The following BORCS8 variants were observed in gnomAD, a reference collection of about 807,000 sequenced individuals.
BORCS8 encodes the protein BLOC-1 related complex subunit 8.
Under a neutral mutation model 18.7 loss-of-function variants are expected in BORCS8, and 13 were observed. That is an observed-to-expected ratio of 0.70 (90% CI 0.45 to 1.11). The LOEUF is 1.11. Among genes scored for constraint, BORCS8 ranks in the 50% least tolerant of loss-of-function variants. The probability of loss-of-function intolerance (pLI) is 0.00; values close to 1 mark genes in which losing one functional copy is unlikely to be tolerated. For synonymous variants in BORCS8, 68 were observed against 64.8 expected (o/e 1.05, Z -0.24); for missense variants, 165 against 165.7 (o/e 1.00, Z 0.02).
At chr19:19,178,103 G>C (rs1280915568) in intron 5 of BORCS8, 1 of 152,404 alleles carries the variant, frequency 6.6e-6, no homozygotes, top group Non-Finnish European at 1.5e-5. Context: ...TTGGGGCTGA[G>C]GATGAAATGA....
At chr19:19,186,139 C>G in intron 2 of BORCS8, 41 bp from the exon 3 acceptor site, 1 of 1,542,942 alleles carries the variant, frequency 6.5e-7, no homozygotes, top group East Asian at 2.4e-5. Flanking sequence ...GGAGGCCACC[C>G]CCACCTAGAG....
chr19:19,187,791 C>T (rs1166255750), intron 1 of BORCS8, among the ~76,000 whole-genome samples: 2 of 151,404 alleles, frequency 1.3e-5, no homozygotes, highest in Non-Finnish European at 2.9e-5. Flanking sequence ...CTCACCATGG[C>T]CTCCCAAAGT....
At position 19,182,262 on chromosome 19, in the gene BORCS8, G is replaced by A. The variant is rs934420098; in HGVS notation, c.326+311C>T. 23 of 498,846 alleles carry A rather than the reference G, an allele frequency of 4.6e-5. No homozygotes were observed. The highest frequency in any genetic ancestry group is 5.8e-5 in the Non-Finnish European group (20 of 346,474). 30.9% of individuals were successfully genotyped at this position (498,846 alleles called of 1,614,324 possible). ...GGGGCCCCGCAGTGTTCTTCACAGC[G>A]CATCTGACATGCTCTTGTCTGCCAT... is the stretch of plus-strand genomic sequence containing the variant. On this transcript the variant is annotated intron_variant, in intron 4 of 5. Transcript: ENST00000462790. This position sits in a 1 kb window ranked among gnomAD's most constrained non-coding sequence, Gnocchi z 4.1.
intron 1 of BORCS8, among the ~76,000 whole-genome samples, chr19:19,189,299 A>G (rs539793904): frequency 6.6e-6 from 1 of 152,310 alleles, no homozygotes; most frequent in East Asian, 1.9e-4. Context: ...GTCCAGGCAC[A>G]GCGAGGCACG....
intron 3 of BORCS8, 107 bp downstream of exon 3, chr19:19,185,927 G>T: frequency 8.7e-7 from 1 of 1,155,414 alleles, no homozygotes; most frequent in Non-Finnish European, 1.2e-6. Flanking sequence ...ACTCGGGTAG[G>T]CCTGGCAGGG....
In BORCS8 at chr19:19,182,674, C is replaced by G. The variant is rs1035782517; in HGVS notation, c.225G>C (p.Lys75Asn). The change falls in exon 4 of 6, where the codon AAG becomes AAC. Residue 75 changes from lysine to asparagine, a missense_variant. Coordinates refer to ENST00000462790, the MANE Select transcript of BORCS8 (RefSeq NM_001145784.2). The surrounding 1 kb of genome is among the most constrained non-coding windows in gnomAD (Gnocchi z 4.1). ...AGTAGACGCTGCTGTCCACCAGGTT[C>G]TTCACGGCGCTGAAACGGGAGGACA... Reference protein sequence around the residue: ...YTVEYACSAVKNLVDSSVYFR... With the variant: ...YTVEYACSAVNNLVDSSVYFR... The G allele has an allele frequency of 2.6e-6, 4 of 1,550,602 alleles. No homozygotes were observed. The highest frequency in any genetic ancestry group is 3.5e-6 in the Non-Finnish European group (4 of 1,146,752).
At chr19:19,186,135 C>A in intron 2 of BORCS8, 37 bp from the exon 3 acceptor site, 2 of 1,546,668 alleles carry the variant, frequency 1.3e-6, no homozygotes. Flanking sequence ...CAAGGGAGGC[C>A]ACCCCCACCT....
rs146936603 is a variant in BORCS8 at position 19,184,592 on chromosome 19, G to T, written c.215+1442C>A. ...GCTGGGATTACAGGTGTGAGCCACC[G>T]CGCCCGGTCTGTTTTTTGTTTTTTT... is the stretch of plus-strand genomic sequence containing the variant. On this transcript the variant is annotated intron_variant, in intron 3 of 5. Transcript: ENST00000462790. Among the ~76,000 whole-genome samples the T allele has an allele frequency of 2.2e-3, 338 of 151,860 alleles. 1 individual carries two copies. Among genetic ancestry groups the T allele is most frequent in the Middle Eastern group, 0.01 (3 of 292 alleles).
At chr19:19,183,282 C>T (rs68147405) in intron 3 of BORCS8, among the ~76,000 whole-genome samples, 74,542 of 151,392 alleles carry the variant, frequency 0.49, 18,576 homozygotes, top group East Asian at 0.57. Context: ...TGGTGGCGGC[C>T]GCCTGTAGTC....
chr19:19,178,666 G>T (rs967774306), intron 5 of BORCS8: 1 of 152,258 alleles, frequency 6.6e-6, no homozygotes, highest in African/African-American at 2.4e-5. Context: ...AAGTGGGAAT[G>T]AAAGCCTCTG....
At position 19,182,642 on chromosome 19, in the gene BORCS8, C is replaced by G. The variant is rs776538093; in HGVS notation, c.257G>C (p.Ser86Thr). 3 of 1,551,236 alleles carry G rather than the reference C, an allele frequency of 1.9e-6. No individual in the cohort carries two copies. The highest frequency in any genetic ancestry group is 1.7e-6 in the Non-Finnish European group (2 of 1,146,954). Residue 86 changes from serine to threonine, a missense_variant, in exon 4 of 6, where the codon AGC (serine) becomes ACC (threonine). Coordinates refer to ENST00000462790, the MANE Select transcript of BORCS8 (RefSeq NM_001145784.2). This position sits in a 1 kb window ranked among gnomAD's most constrained non-coding sequence, Gnocchi z 4.1. ...NLVDSSVYFR[S>T]VEGLLKQAIS... ...GGCCTGTTTGAGCAGACCCTCCACG[C>G]TGCGGAAGTAGACGCTGCTGTCCAC...
chr19:19,184,970 A>G (rs2060391815), intron 3 of BORCS8, among the ~76,000 whole-genome samples: 1 of 152,228 alleles, frequency 6.6e-6, no homozygotes, highest in African/African-American at 2.4e-5. Flanking sequence ...CTTTCAAGGC[A>G]TCCTCCCACC....
chr19:19,188,584 G>T, intron 1 of BORCS8, among the ~76,000 whole-genome samples: 1 of 152,100 alleles, frequency 6.6e-6, no homozygotes, highest in East Asian at 1.9e-4. Context: ...ATGCCCACAG[G>T]ACCTGAAAGT....
intron 5 of BORCS8, chr19:19,178,790 T>A (rs11085257): frequency 0.34 from 50,920 of 151,650 alleles, 8,973 homozygotes; most frequent in Non-Finnish European, 0.39. Context: ...TGAAATTCCA[T>A]CTCTACTAAA....
intron 1 of BORCS8, among the ~76,000 whole-genome samples, chr19:19,190,590 A>G (rs1211450992): frequency 6.6e-6 from 1 of 152,210 alleles, no homozygotes; most frequent in Non-Finnish European, 1.5e-5. Flanking sequence ...GGAGTTCGAC[A>G]CCAGCCTGAC....
In BORCS8 at chr19:19,186,886, A is replaced by T. The variant is rs746270495; in HGVS notation, c.150+7T>A. ...GCCCCTGCTCCTCCCAGCAGGCCCC[A>T]GCTCACCTTGTGCTGGGCCAGCTCG... is the stretch of plus-strand genomic sequence containing the variant. On this transcript the variant is annotated splice_region_variant and intron_variant, in intron 2 of 5. Coordinates refer to ENST00000462790, the MANE Select transcript of BORCS8 (RefSeq NM_001145784.2). 4.2e-5 allele frequency: 64 copies of T among 1,538,604 alleles called. 1 individual carries two copies. The highest frequency in any genetic ancestry group is 3.9e-4 in the South Asian group (32 of 83,038).
chr19:19,191,948 G>A (rs2060487598), intron 1 of BORCS8, 133 bp downstream of exon 1: 2 of 1,095,860 alleles, frequency 1.8e-6, no homozygotes, highest in South Asian at 2.8e-5. Flanking sequence ...TTCAAAACTA[G>A]TCAGCGGCAG....
intron 1 of BORCS8, among the ~76,000 whole-genome samples, chr19:19,188,419 A>T (rs939899505): frequency 6.6e-6 from 1 of 151,886 alleles, no homozygotes; most frequent in Non-Finnish European, 1.5e-5. Context: ...CAGCCTCCCA[A>T]AGTGCTGGGA....
chr19:19,187,695 C>T (rs1373992217), intron 1 of BORCS8, among the ~76,000 whole-genome samples: 3 of 151,742 alleles, frequency 2.0e-5, no homozygotes, highest in East Asian at 2.0e-4. Context: ...TGCACCACCA[C>T]GCCCAGCTAA....
Sources: gnomAD v4.1 joint callset for allele counts (sites outside exome capture counted in the v4.1 genomes callset) on GRCh38, gnomAD v4.1.1 for gene constraint, Gnocchi (gnomAD v3.1) non-coding constraint, MANE v1.5 for transcripts, NCBI Gene and HGNC (gene_info 2026-07-23, HGNC 2026-07-21) for gene names.